Variants in SH3BGR observed in about 807,000 individuals in gnomAD.
The protein encoded by SH3BGR is SH3 domain-binding glutamic acid-rich protein.
Under a neutral mutation model 24.5 loss-of-function variants are expected in SH3BGR, and 29 were observed. The observed-to-expected ratio is 1.18, with a 90% confidence interval of 0.88 to 1.61. The LOEUF (loss-of-function observed/expected upper bound fraction) is 1.61, where lower values mean the gene tolerates loss of function less well. Ranked by LOEUF, SH3BGR falls within the 40% of genes most tolerant of loss-of-function variation. SH3BGR has a pLI of 0.00. For synonymous variants in SH3BGR, 55 were observed against 65.7 expected (o/e 0.84, Z 0.79); for missense variants, 162 against 205.8 (o/e 0.79, Z 1.30).
chr21:39,459,264 C>T (rs1187333624), intron 1 of SH3BGR, among the ~76,000 whole-genome samples: 6 of 149,386 alleles, frequency 4.0e-5, no homozygotes, highest in African/African-American at 1.2e-4. Flanking sequence ...CTCACTCTGT[C>T]GCCAGGCTGG....
At chr21:39,453,521 C>T (rs923410072) in intron 1 of SH3BGR, among the ~76,000 whole-genome samples, 1 of 152,120 alleles carries the variant, frequency 6.6e-6, no homozygotes, top group African/African-American at 2.4e-5. Context: ...TAGACCTGGT[C>T]TACATATTCT....
At chr21:39,497,212 A>G (rs892314910) in intron 3 of SH3BGR, among the ~76,000 whole-genome samples, 1 of 150,628 alleles carries the variant, frequency 6.6e-6, no homozygotes, top group Non-Finnish European at 1.5e-5. Flanking sequence ...TATATATAGG[A>G]TAGTGTAGAA....
chr21:39,462,495 G>C lies in SH3BGR; in HGVS notation c.166G>C (p.Glu56Gln). The change falls in exon 2 of 7, where the codon GAG (glutamate) becomes CAG (glutamine). Residue 56 changes from glutamate (E) to glutamine (Q), a missense_variant. Transcript: ENST00000333634. ...GTGGATGAGAGAGAATGTTCCTGGA[G>C]AGAAAAAACCTCAAAATGGGATTCC... ...RRWMRENVPGEKKPQNGIPLP... is the reference protein window; with the variant it reads ...RRWMRENVPGQKKPQNGIPLP... The C allele has an allele frequency of 6.2e-7, 1 of 1,609,568 alleles. No homozygotes were observed. The highest frequency in any genetic ancestry group is 1.1e-5 in the South Asian group (1 of 89,910).
intron 3 of SH3BGR, among the ~76,000 whole-genome samples, chr21:39,480,735 A>T (rs1569161864): frequency 1.3e-5 from 2 of 152,208 alleles, no homozygotes; most frequent in African/African-American, 4.8e-5. Flanking sequence ...GGACAATTTT[A>T]AAAAATTCAG....
In SH3BGR at chr21:39,452,164, C is replaced by A. The variant is rs201601603; in HGVS notation, c.45+23C>A. 41 of 1,613,894 alleles carry A rather than the reference C, an allele frequency of 2.5e-5. 1 individual carries two copies. In the African/African-American group the frequency reaches 5.1e-4, roughly 20 times the overall value. ...GCGGTAGGTGTCTGGTGGACTCTTT[C>A]TTCCTATACTCTTTTCTGAATAACT... On this transcript the variant is annotated intron_variant, in intron 1 of 6. Coordinates refer to ENST00000333634, the MANE Select transcript of SH3BGR (RefSeq NM_007341.3).
chr21:39,482,882 C>G (rs768668074), intron 3 of SH3BGR, among the ~76,000 whole-genome samples: 5 of 152,164 alleles, frequency 3.3e-5, no homozygotes, highest in East Asian at 1.9e-4. Context: ...GTTGGCCAGG[C>G]TGGTCTCGAA....
chr21:39,482,336 A>G (rs557113942), intron 3 of SH3BGR, among the ~76,000 whole-genome samples: 1 of 152,398 alleles, frequency 6.6e-6, no homozygotes, highest in South Asian at 2.1e-4. Flanking sequence ...AGACTAAAAT[A>G]GACTGAGGAA....
At chr21:39,485,760 T>C (rs1315907220) in intron 3 of SH3BGR, among the ~76,000 whole-genome samples, 1 of 149,906 alleles carries the variant, frequency 6.7e-6, no homozygotes, top group Non-Finnish European at 1.5e-5. Flanking sequence ...CGATCTCGGC[T>C]CACTGCAAGC....
At chr21:39,492,440 C>G (rs117831785) in intron 3 of SH3BGR, among the ~76,000 whole-genome samples, 5,390 of 139,490 alleles carry the variant, frequency 0.039, 110 homozygotes, top group Middle Eastern at 0.075. Context: ...AGTAGTTTCC[C>G]TTGGTGTGTG....
intron 1 of SH3BGR, 134 bp downstream of exon 1, chr21:39,452,275 T>A: frequency 9.9e-7 from 1 of 1,008,772 alleles, no homozygotes; most frequent in East Asian, 2.4e-5. Flanking sequence ...ATGTGCGCCC[T>A]TTGCTTTCTG....
rs959891825 is a variant in SH3BGR, at chr21:39,460,438, G to A, written c.46-1937G>A. ...CTTGATATTTGAATTTCATAGTAAA[G>A]TATCTTTTTTATTTTATTATTTTGC... is the stretch of plus-strand genomic sequence containing the variant. On this transcript the variant is annotated intron_variant, in intron 1 of 6. Transcript: ENST00000333634. Among the ~76,000 whole-genome samples the A allele has an allele frequency of 9.9e-5, 15 of 152,106 alleles. 1 individual carries two copies. In the South Asian group the frequency reaches 2.9e-3, roughly 30 times the overall value.
At chr21:39,465,505 A>G (rs896472543) in intron 2 of SH3BGR, among the ~76,000 whole-genome samples, 1 of 152,220 alleles carries the variant, frequency 6.6e-6, no homozygotes, top group Non-Finnish European at 1.5e-5. Flanking sequence ...ATGTCATTTA[A>G]AAAATCAGAG....
At chr21:39,493,253 C>T (rs2078334819) in intron 3 of SH3BGR, among the ~76,000 whole-genome samples, 1 of 152,090 alleles carries the variant, frequency 6.6e-6, no homozygotes, top group Non-Finnish European at 1.5e-5. Context: ...AGTTTCAGGT[C>T]TTAGATTTAA....
chr21:39,495,972 A>C (rs13050688), intron 3 of SH3BGR, among the ~76,000 whole-genome samples: 19,914 of 152,212 alleles, frequency 0.13, 1,686 homozygotes, highest in Admixed American at 0.18. Context: ...CTAGTTAAGA[A>C]TGGATTAAAA....
upstream of SH3BGR, among the ~76,000 whole-genome samples, chr21:39,449,631 C>A (rs550647501): frequency 4.6e-5 from 7 of 151,980 alleles, no homozygotes; most frequent in Non-Finnish European, 7.4e-5. Flanking sequence ...ATGGTCATTT[C>A]GAAAAGAATA....
intron 3 of SH3BGR, among the ~76,000 whole-genome samples, chr21:39,480,935 T>C (rs1395299782): frequency 6.6e-6 from 1 of 152,210 alleles, no homozygotes; most frequent in Non-Finnish European, 1.5e-5. Context: ...CTTATTTGCT[T>C]TAGTTAAGAA....
In SH3BGR at chr21:39,510,004, G is replaced by A. The variant is rs575038191; in HGVS notation, c.435+977G>A. Among the ~76,000 whole-genome samples, 766 of 127,152 alleles carry A rather than the reference G, an allele frequency of 6.0e-3. 86 individuals are homozygous for A. Among genetic ancestry groups the A allele is most frequent in the African/African-American group, 0.025 (725 of 28,432 alleles). The allele number at this position is 127,152 out of a possible 152,430, so 83.4% of individuals were successfully genotyped here. A position where few individuals can be genotyped will look rare whatever the true frequency, so the allele number is the denominator to read the frequency against. On this transcript the variant is annotated intron_variant, in intron 5 of 6. Coordinates refer to ENST00000333634, the MANE Select transcript of SH3BGR (RefSeq NM_007341.3). Reference sequence around the variant, plus strand: ...TTAGCCCAGGCCGGATTGCAGTGGCGCAATCTCGGCTCACTGCAAGCTCCG... The same window carrying A: ...TTAGCCCAGGCCGGATTGCAGTGGCACAATCTCGGCTCACTGCAAGCTCCG...
chr21:39,501,852 G>A (rs1482572055), intron 4 of SH3BGR, among the ~76,000 whole-genome samples: 2 of 152,192 alleles, frequency 1.3e-5, no homozygotes, highest in African/African-American at 4.8e-5. Flanking sequence ...CTACTGGCTT[G>A]TTTTGACGGT....
At chr21:39,505,446 T>A (rs549359545) in intron 4 of SH3BGR, among the ~76,000 whole-genome samples, 9 of 152,272 alleles carry the variant, frequency 5.9e-5, no homozygotes, top group African/African-American at 1.9e-4. Flanking sequence ...TTTAAGAAAT[T>A]AAGGTCAATT....
Sources: allele counts gnomAD v4.1 joint callset (sites outside exome capture counted in the v4.1 genomes callset), GRCh38; gene constraint gnomAD v4.1.1; transcripts MANE v1.5; gene names NCBI Gene and HGNC (gene_info 2026-07-23, HGNC 2026-07-21).